CNGA4: variants seen among roughly 807,000 people sequenced by gnomAD.
CNGA4 encodes cyclic nucleotide gated channel subunit alpha 4.
CNGA4 carries 32 observed loss-of-function variants against 45.6 expected under a neutral mutation model. The observed-to-expected ratio is 0.70, with a 90% CI of 0.53 to 0.94. The LOEUF (loss-of-function observed/expected upper bound fraction) is 0.94, where lower values mean the gene tolerates loss of function less well. CNGA4 is among the 40% of genes least tolerant of loss of function. The pLI is 0.00. For missense variants in CNGA4, 726 were observed against 755.1 expected (o/e 0.96, Z 0.45); for synonymous variants, 293 against 304.6 (o/e 0.96, Z 0.40).
In CNGA4 at chr11:6,241,549, G is replaced by T; in HGVS notation, c.1036G>T (p.Val346Leu). 6.2e-7 allele frequency: 1 copy of T among 1,614,232 alleles called. No individual in the cohort carries two copies. Among genetic ancestry groups the T allele is most frequent in the South Asian group, 1.1e-5 (1 of 91,092 alleles). The change falls in exon 5 of 6, where the codon GTG (valine) becomes TTG (leucine). Residue 346 changes from valine to leucine, a missense_variant. Transcript: ENST00000379936. ...TGTGCACCTGTCCACTCTGAGCCGGGTGCAGATCTTTCAGAACTGTGAGGC... is the reference window on the plus strand; with the variant it reads ...TGTGCACCTGTCCACTCTGAGCCGGTTGCAGATCTTTCAGAACTGTGAGGC... ...VSVHLSTLSR[V>L]QIFQNCEASL... is the part of the protein sequence containing the mutation.
In CNGA4 at chr11:6,242,540, G is replaced by A. The variant is rs191835544; in HGVS notation, c.1267+760G>A. Among the ~76,000 whole-genome samples the A allele has an allele frequency of 3.3e-5, 5 of 152,214 alleles. 1 individual carries two copies. The East Asian group carries it at 9.7e-4, about 29-fold the overall frequency. ...GGATGTGCTCTGGCTCTCTCAGCAT[G>A]AGGATTCTACCCTCAGGGATTCTGA... On this transcript the variant is annotated intron_variant, in intron 5 of 5. Coordinates refer to ENST00000379936, the MANE Select transcript of CNGA4 (RefSeq NM_001037329.4).
Position 6,241,665 on chromosome 11 carries a change from G to A in CNGA4, c.1152G>A (p.Glu384=), listed in dbSNP as rs1184141328. 1 of 1,614,114 alleles carries A rather than the reference G, an allele frequency of 6.2e-7. No individual in the cohort carries two copies. The highest frequency in any genetic ancestry group is 8.5e-7 in the Non-Finnish European group (1 of 1,180,058). Reference sequence around the variant, plus strand: ...GCCGCAAAGGAGACATTGGCCAAGAGATGTACATCATCCGAGAGGGTCAAC... The same window carrying A: ...GCCGCAAAGGAGACATTGGCCAAGAAATGTACATCATCCGAGAGGGTCAAC... ...YVCRKGDIGQ[E]MYIIREGQLA... The change falls in exon 5 of 6, where the codon GAG becomes GAA. Residue 384 remains glutamate, a synonymous_variant. Transcript: ENST00000379936.
In CNGA4 at chr11:6,244,297, G is replaced by A; in HGVS notation, c.1616G>A (p.Trp539Ter). 1.2e-6 allele frequency: 2 copies of A among 1,614,118 alleles called. No individual in the cohort carries two copies. The highest frequency in any genetic ancestry group is 1.7e-6 in the Non-Finnish European group (2 of 1,180,018). ...IERLEWQTRE[W>*]PMPEDLAEAD... Reference sequence around the variant, plus strand: ...CGGCTGGAGTGGCAGACTCGAGAGTGGCCAATGCCCGAGGACCTGGCTGAG... The same window carrying A: ...CGGCTGGAGTGGCAGACTCGAGAGTAGCCAATGCCCGAGGACCTGGCTGAG... The change falls in exon 6 of 6, where the codon TGG becomes TAG. Residue 539 changes from tryptophan (W) to a stop codon, truncating the protein, a stop_gained. Transcript: ENST00000379936. LOFTEE classifies it low-confidence loss of function (END_TRUNC). This position sits in a 1 kb window ranked among gnomAD's most constrained non-coding sequence, Gnocchi z 4.5.
chr11:6,240,614 A>G lies in CNGA4; in HGVS notation c.820A>G (p.Thr274Ala), dbSNP rs1451936013. 6.2e-7 allele frequency: 1 copy of G among 1,614,170 alleles called. No homozygotes were observed. Among genetic ancestry groups the G allele is most frequent in the East Asian group, 2.2e-5 (1 of 44,878 alleles). ...SMSSVIYNMN[T>A]ADAAFYPDHA... is the part of the protein sequence containing the mutation. Reference sequence around the variant, plus strand: ...GAGCTCTGTCATCTACAACATGAACACTGCAGATGCGGCTTTCTACCCAGA... The same window carrying G: ...GAGCTCTGTCATCTACAACATGAACGCTGCAGATGCGGCTTTCTACCCAGA... The change falls in exon 4 of 6, where the codon ACT becomes GCT. Residue 274 changes from threonine (T) to alanine (A), a missense_variant. Physicochemically the swap from Thr to Ala is moderately conservative, Grantham distance 58. Coordinates refer to ENST00000379936, the MANE Select transcript of CNGA4 (RefSeq NM_001037329.4). This position sits in a 1 kb window ranked among gnomAD's most constrained non-coding sequence, Gnocchi z 4.9.
In CNGA4 at chr11:6,244,329, G is replaced by A; in HGVS notation, c.1648G>A (p.Asp550Asn). 1 of 1,614,164 alleles carries A rather than the reference G, an allele frequency of 6.2e-7. No homozygotes were observed. The change falls in exon 6 of 6, where the codon GAC becomes AAC. Residue 550 changes from aspartate to asparagine, a missense_variant. Coordinates refer to ENST00000379936, the MANE Select transcript of CNGA4 (RefSeq NM_001037329.4). This position sits in a 1 kb window ranked among gnomAD's most constrained non-coding sequence, Gnocchi z 4.5. ...PMPEDLAEAD[D>N]EGEPEEGTSK... ...GCCCGAGGACCTGGCTGAGGCTGAT[G>A]ACGAGGGTGAGCCTGAGGAGGGAAC...
At chr11:6,235,633 G>A (rs1022623626), upstream of CNGA4, 8 of 826,292 alleles carry the variant, frequency 9.7e-6, no homozygotes, top group African/African-American at 1.5e-4. Context: ...TTCAGATAAG[G>A]CATGTAGTTT....
At chr11:6,239,663 A>G (rs746805196) in intron 2 of CNGA4, 21 bp from the exon 3 acceptor site, 19 of 1,612,384 alleles carry the variant, frequency 1.2e-5, no homozygotes, top group Non-Finnish European at 1.6e-5. Context: ...TAATTCAATC[A>G]TGCTTAACCC....
rs780923896 is a variant in CNGA4, at chr11:6,240,527, C to G, written c.733C>G (p.Leu245Val). ...TPPPAREEEY[L>V]FMVGDFLLAV... is the part of the protein sequence containing the mutation. The stretch of plus-strand genomic sequence containing the variant: ...GCCGCCAGCCAGGGAAGAAGAGTAC[C>G]TCTTCATGGTGGGCGACTTCCTGCT... The change falls in exon 4 of 6, where the codon CTC becomes GTC. Residue 245 changes from leucine (L) to valine (V), a missense_variant. Transcript: ENST00000379936. The surrounding 1 kb of genome is among the most constrained non-coding windows in gnomAD (Gnocchi z 4.9). 3 of 1,614,244 alleles carry G rather than the reference C, an allele frequency of 1.9e-6. No individual in the cohort carries two copies. In the South Asian group the frequency reaches 3.3e-5, roughly 18 times the overall value.
upstream of CNGA4, among the ~76,000 whole-genome samples, chr11:6,237,366 A>G (rs1363559584): frequency 1.3e-5 from 2 of 152,212 alleles, no homozygotes; most frequent in Non-Finnish European, 2.9e-5. Flanking sequence ...TATAGACCCA[A>G]TGGGTTGAAG....
At chr11:6,244,714 C>G (rs1188801375), downstream of CNGA4, among the ~76,000 whole-genome samples, 1 of 152,132 alleles carries the variant, frequency 6.6e-6, no homozygotes, top group South Asian at 2.1e-4. This position sits in a 1 kb window ranked among gnomAD's most constrained non-coding sequence, Gnocchi z 4.5. Context: ...ACACAGCACA[C>G]ATGCTTTCTC....
intron 1 of CNGA4, 22 bp from the exon 2 acceptor site, chr11:6,239,362 A>G (rs767542514): frequency 1.2e-6 from 2 of 1,613,638 alleles, no homozygotes; most frequent in South Asian, 1.1e-5. Context: ...GAATAAATGA[A>G]GCAAGACTTT....
chr11:6,240,056 C>T lies in CNGA4; in HGVS notation c.272-10C>T, dbSNP rs765977093. 5.0e-6 allele frequency: 8 copies of T among 1,595,596 alleles called. No individual in the cohort carries two copies. The highest frequency in any genetic ancestry group is 6.8e-6 in the Non-Finnish European group (8 of 1,170,328). On this transcript the variant is annotated splice_polypyrimidine_tract_variant and intron_variant, in intron 3 of 5. Coordinates refer to ENST00000379936, the MANE Select transcript of CNGA4 (RefSeq NM_001037329.4). This position sits in a 1 kb window ranked among gnomAD's most constrained non-coding sequence, Gnocchi z 4.9. ...AGCAGGTCCGCTTCCTACCGGCTCC[C>T]TCTCCCCAGGATTCTTGGAACAGGG... is the stretch of plus-strand genomic sequence containing the variant.
chr11:6,235,809 C>T (rs1318618481), upstream of CNGA4, among the ~76,000 whole-genome samples: 2 of 151,882 alleles, frequency 1.3e-5, no homozygotes, highest in Admixed American at 6.6e-5. Context: ...CGTAGTGGCG[C>T]GCGCCTGTAA....
rs750583500 is a variant in CNGA4 at position 6,240,255 on chromosome 11, T to G, written c.461T>G (p.Phe154Cys). Reference protein sequence around the residue: ...FLRAPRLFEAFDRTETRTAYP... With the variant: ...FLRAPRLFEACDRTETRTAYP... ...CGCGCGCCCCGCCTCTTCGAGGCCT[T>G]CGACCGCACAGAGACCCGCACAGCT... Residue 154 changes from phenylalanine to cysteine, a missense_variant, in exon 4 of 6, where the codon TTC becomes TGC. By Grantham distance (205) the Phe-to-Cys change is radical. Coordinates refer to ENST00000379936, the MANE Select transcript of CNGA4 (RefSeq NM_001037329.4). The surrounding 1 kb of genome is among the most constrained non-coding windows in gnomAD (Gnocchi z 4.9). The G allele has an allele frequency of 6.2e-7, 1 of 1,614,230 alleles. No homozygotes were observed. Among genetic ancestry groups the G allele is most frequent in the Admixed American group, 1.7e-5 (1 of 60,034 alleles).
intron 5 of CNGA4, among the ~76,000 whole-genome samples, chr11:6,242,347 G>C (rs2133879443): frequency 6.6e-6 from 1 of 152,168 alleles, no homozygotes; most frequent in African/African-American, 2.4e-5. Context: ...CCCATTTACT[G>C]ACCATCACCT....
chr11:6,241,977 G>A, intron 5 of CNGA4, 197 bp downstream of exon 5: 2 of 602,720 alleles, frequency 3.3e-6, no homozygotes, highest in Non-Finnish European at 5.9e-6. Flanking sequence ...GCTGAGCCAA[G>A]GCCAGTGAAC....
chr11:6,237,395 A>G (rs1847851784), upstream of CNGA4, among the ~76,000 whole-genome samples: 1 of 152,204 alleles, frequency 6.6e-6, no homozygotes, highest in Non-Finnish European at 1.5e-5. Context: ...GGGATACCCA[A>G]GTAGGAACAT....
chr11:6,242,876 T>G (rs1448048398), intron 5 of CNGA4, among the ~76,000 whole-genome samples: 4 of 152,158 alleles, frequency 2.6e-5, no homozygotes, highest in Non-Finnish European at 5.9e-5. Context: ...CCACCCATTC[T>G]CCACCAACAT....
chr11:6,239,337 C>A (rs569931495), intron 1 of CNGA4, 47 bp from the exon 2 acceptor site: 1 of 1,612,402 alleles, frequency 6.2e-7, no homozygotes, highest in African/African-American at 1.3e-5. Context: ...ACAACTACAG[C>A]TTTGAATGCC....
Sources: allele counts gnomAD v4.1 joint callset (sites outside exome capture counted in the v4.1 genomes callset), GRCh38; gene constraint gnomAD v4.1.1; non-coding constraint Gnocchi (gnomAD v3.1); transcripts MANE v1.5; gene names NCBI Gene and HGNC (gene_info 2026-07-23, HGNC 2026-07-21).